Variants in BRD1 observed in about 807,000 individuals in gnomAD.
The protein encoded by BRD1 is bromodomain containing 1.
BRD1 carries 24 observed loss-of-function variants against 107.7 expected under a neutral mutation model. The observed-to-expected ratio is 0.22, with a 90% CI of 0.16 to 0.31. BRD1 has a LOEUF of 0.31. BRD1 is among the 10% of genes least tolerant of loss of function. BRD1 has a pLI of 1.00. For synonymous variants in BRD1, 744 were observed against 686.1 expected (o/e 1.08, Z -1.32); for missense variants, 1,279 against 1,638.6 (o/e 0.78, Z 3.79).
chr22:49,777,807 G>C lies in BRD1; in HGVS notation c.2864C>G (p.Thr955Ser). The C allele has an allele frequency of 6.3e-7, 1 of 1,599,986 alleles. No individual in the cohort carries two copies. The highest frequency in any genetic ancestry group is 1.7e-4 in the Middle Eastern group (1 of 6,046). The change falls in exon 9 of 13, where the codon ACC (threonine) becomes AGC (serine). Residue 955 changes from threonine (T) to serine (S), a missense_variant. Thr to Ser is a moderately conservative substitution (Grantham distance 58). This residue lies in a region of BRD1 where 263 missense variants were observed against 251.6 expected (regional missense o/e 1.05). Transcript: ENST00000404760. ...GCTCCTCGCACCCCCAAAGCCGTTG[G>C]TGAGACCTGGAACACAGGCGGGCAG... Reference protein sequence around the residue: ...SPGKRLDAGLTNGFGGARSEQ... With the variant: ...SPGKRLDAGLSNGFGGARSEQ...
At chr22:49,819,838 T>A (rs928735968) in intron 2 of BRD1, among the ~76,000 whole-genome samples, 1 of 151,964 alleles carries the variant, frequency 6.6e-6, no homozygotes, top group East Asian at 2.0e-4. Context: ...ACCTTAAAAC[T>A]ATCTCTTTTA....
chr22:49,775,861 A>AGCTGTGTGAGCCTCCTCAGAACT lies in BRD1; in HGVS notation c.3232-117_3232-116insAGTTCTGAGGAGGCTCACACAGC. ...CCAGCTGTGTGAGCCTCCTCAGACC[A>AGCTGTGTGAGCCTCCTCAGAACT]CCCCCACGCCCCCCTCGCCGAACCA... is the stretch of plus-strand genomic sequence containing the variant. On this transcript the variant is annotated intron_variant, in intron 11 of 12. Transcript: ENST00000404760. 1.6e-5 allele frequency: 14 copies of AGCTGTGTGAGCCTCCTCAGAACT among 866,822 alleles called. No homozygotes were observed. The East Asian group carries it at 2.4e-4, about 15-fold the overall frequency. 53.7% of individuals were successfully genotyped at this position (866,822 alleles called of 1,614,324 possible).
intron 2 of BRD1, among the ~76,000 whole-genome samples, chr22:49,814,116 C>G (rs2059906174): frequency 6.6e-6 from 1 of 152,236 alleles, no homozygotes; most frequent in South Asian, 2.1e-4. Context: ...AGAGGGGAGG[C>G]TGGCCAGGTG....
chr22:49,781,568 T>C lies in BRD1; in HGVS notation c.2858-3755A>G, dbSNP rs538889855. ...CGAGACACCTGAGGGCACGGAGCCA[T>C]GGGAACGCAACCCCACAACACGGGA... On this transcript the variant is annotated intron_variant, in intron 8 of 12. Transcript: ENST00000404760. Among the ~76,000 whole-genome samples, 62 of 152,284 alleles carry C rather than the reference T, an allele frequency of 4.1e-4. 1 individual carries two copies. Among genetic ancestry groups the C allele is most frequent in the Non-Finnish European group, 7.8e-4 (53 of 68,014 alleles).
chr22:49,814,873 G>A (rs531404028), intron 2 of BRD1, among the ~76,000 whole-genome samples: 1 of 152,346 alleles, frequency 6.6e-6, no homozygotes, highest in Admixed American at 6.5e-5. Context: ...TGAAAGTGAA[G>A]AGAGACAGAA....
At chr22:49,798,511 CCA>C (rs767507044) in intron 5 of BRD1, 45 bp downstream of exon 5, 29 of 1,613,884 alleles carry the variant, frequency 1.8e-5, no homozygotes, top group East Asian at 2.2e-5. Context: ...CAGCACAAAT[CCA>C]CAGTCACACA....
rs772572948 is a variant in BRD1 at position 49,777,050 on chromosome 22, C to T, written c.3105G>A (p.Ala1035=). The T allele has an allele frequency of 1.2e-5, 19 of 1,613,198 alleles. No homozygotes were observed. Among genetic ancestry groups the T allele is most frequent in the South Asian group, 7.7e-5 (7 of 91,092 alleles). Residue 1035 remains alanine (A), a synonymous_variant, in exon 10 of 13, where the codon GCG becomes GCA. Coordinates refer to ENST00000404760, the MANE Select transcript of BRD1 (RefSeq NM_001304808.3). ...GCGACTCACCGGCTGCGATCCTGGC[C>T]GCCTTGGCGTAGTTCCCATTCTCGA... The part of the protein sequence containing the change: ...SCIENGNYAK[A]ARIAAEVGQS...
At chr22:49,785,573 G>C (rs775255496) in intron 8 of BRD1, among the ~76,000 whole-genome samples, 2 of 152,230 alleles carry the variant, frequency 1.3e-5, no homozygotes, top group Non-Finnish European at 2.9e-5. Context: ...GACCAACGTG[G>C]TTAAGACACA....
intron 8 of BRD1, among the ~76,000 whole-genome samples, chr22:49,778,402 A>T (rs1295720753): frequency 1.3e-5 from 2 of 152,252 alleles, no homozygotes; most frequent in African/African-American, 2.4e-5. Flanking sequence ...GCCGTGTCTG[A>T]GTGTGTCTGG....
rs538088972 is a variant in BRD1, at chr22:49,796,905, A to C, written c.2098+900T>G. On this transcript the variant is annotated intron_variant, in intron 6 of 12. Transcript: ENST00000404760. ...AGAGGGCCAGGCCTCATCCCAGAAG[A>C]AGCGACCTAGCACGGGTCAGTGATT... Among the ~76,000 whole-genome samples the C allele has an allele frequency of 1.7e-4, 26 of 152,360 alleles. No individual in the cohort carries two copies. In the South Asian group the frequency reaches 3.9e-3, roughly 23 times the overall value.
rs1488573901 is a variant in BRD1, at chr22:49,803,038, A to T, written c.1524+1166T>A. Among the ~76,000 whole-genome samples the T allele has an allele frequency of 6.6e-6, 1 of 152,224 alleles. No homozygotes were observed. Among genetic ancestry groups the T allele is most frequent in the Non-Finnish European group, 1.5e-5 (1 of 68,036 alleles). ...AGGTGGACGGCACGGGAGACCTGGA[A>T]TATTCCACAGCCAAGACGCACCAAG... On this transcript the variant is annotated intron_variant, in intron 3 of 12. Transcript: ENST00000404760. The surrounding 1 kb of genome is among the most constrained non-coding windows in gnomAD (Gnocchi z 4.4).
chr22:49,827,627 T>G lies in BRD1; in HGVS notation c.-145A>C. 1 of 143,280 alleles carries G rather than the reference T, an allele frequency of 7.0e-6. No individual in the cohort carries two copies. The highest frequency in any genetic ancestry group is 1.5e-5 in the Non-Finnish European group (1 of 64,938). The allele number at this position is 143,280 out of a possible 1,614,324, so 8.9% of individuals were successfully genotyped here. ...GCAGGCCGGGCCCCGCCGCCGCTCCTGGGCGCGGGCCCCTCTCGGCCGCGG... is the reference window on the plus strand; with the variant it reads ...GCAGGCCGGGCCCCGCCGCCGCTCCGGGGCGCGGGCCCCTCTCGGCCGCGG... On this transcript the variant is annotated 5_prime_UTR_variant, in exon 1 of 13. Coordinates refer to ENST00000404760, the MANE Select transcript of BRD1 (RefSeq NM_001304808.3).
intron 10 of BRD1, 93 bp from the exon 11 acceptor site, chr22:49,776,252 C>T (rs1201382407): frequency 1.2e-5 from 13 of 1,120,944 alleles, no homozygotes. Flanking sequence ...GGGTGGGTCC[C>T]CCGAGCACAG....
At chr22:49,787,304 C>CTG in intron 8 of BRD1, 86 bp downstream of exon 8, 1 of 829,462 alleles carries the variant, frequency 1.2e-6, no homozygotes, top group Non-Finnish European at 1.7e-6. Flanking sequence ...TGGACACCCC[C>CTG]CCCCCCCCGT....
In BRD1 at chr22:49,797,852, G is replaced by A; in HGVS notation, c.2051C>T (p.Pro684Leu). 1 of 1,612,116 alleles carries A rather than the reference G, an allele frequency of 6.2e-7. No individual in the cohort carries two copies. Among genetic ancestry groups the A allele is most frequent in the South Asian group, 1.1e-5 (1 of 91,060 alleles). ...GLEEASGMHL[P>L]ERPAAAPRRP... Reference sequence around the variant, plus strand: ...CCGCGGTGCCGCAGCAGGCCGCTCAGGCAGGTGCATCCCCGAGGCCTCTTC... The same window carrying A: ...CCGCGGTGCCGCAGCAGGCCGCTCAAGCAGGTGCATCCCCGAGGCCTCTTC... The change falls in exon 6 of 13, where the codon CCT becomes CTT. Residue 684 changes from proline (P) to leucine (L), a missense_variant. Transcript: ENST00000404760.
intron 2 of BRD1, among the ~76,000 whole-genome samples, chr22:49,807,465 G>A (rs1281352676): frequency 2.0e-5 from 3 of 152,178 alleles, no homozygotes; most frequent in East Asian, 1.9e-4. Flanking sequence ...GAACCCTCCC[G>A]TATCCAGCAG....
chr22:49,799,648 C>T (rs1407365076), intron 3 of BRD1, among the ~76,000 whole-genome samples: 1 of 152,220 alleles, frequency 6.6e-6, no homozygotes, highest in Non-Finnish European at 1.5e-5. Flanking sequence ...GCCTCCATCC[C>T]GACACACGTT....
chr22:49,774,704 A>C (rs1229226409), intron 12 of BRD1, among the ~76,000 whole-genome samples: 1 of 152,240 alleles, frequency 6.6e-6, no homozygotes. Context: ...AGACATGCAC[A>C]CACCAAGCCC....
intron 2 of BRD1, chr22:49,821,075 G>A (rs1013245673): frequency 6.6e-6 from 1 of 152,380 alleles, no homozygotes; most frequent in Non-Finnish European, 1.5e-5. Flanking sequence ...AAATATTTAG[G>A]TCGAGTTTTC....
Sources: allele counts gnomAD v4.1 joint callset (sites outside exome capture counted in the v4.1 genomes callset), GRCh38; gene constraint gnomAD v4.1.1; regional missense constraint gnomAD v4.1.1; non-coding constraint Gnocchi (gnomAD v3.1); transcripts MANE v1.5; gene names NCBI Gene and HGNC (gene_info 2026-07-23, HGNC 2026-07-21).